Variants in TRAPPC10 observed in about 807,000 individuals in gnomAD.
TRAPPC10 encodes TRAPP 130 kDa subunit.
Under a neutral mutation model 125.5 loss-of-function variants are expected in TRAPPC10, and 23 were observed. The ratio of observed to expected loss-of-function variants is 0.18; its 90% CI spans 0.13 to 0.26. The LOEUF (loss-of-function observed/expected upper bound fraction) is 0.26, where lower values mean the gene tolerates loss of function less well. Among genes scored for constraint, TRAPPC10 ranks in the 10% least tolerant of loss-of-function variants. The pLI, the probability that TRAPPC10 is intolerant of heterozygous loss-of-function variation, is 1.00. For synonymous variants in TRAPPC10, 509 were observed against 518.0 expected (o/e 0.98, Z 0.24); for missense variants, 1,123 against 1,308.4 (o/e 0.86, Z 2.19).
intron 1 of TRAPPC10, among the ~76,000 whole-genome samples, chr21:44,024,975 C>T (rs922754347): frequency 1.3e-5 from 2 of 152,208 alleles, no homozygotes; most frequent in Non-Finnish European, 2.9e-5. Context: ...CCCCCGGACT[C>T]CACTCCACGC....
chr21:44,052,228 A>T, intron 3 of TRAPPC10, 52 bp from the exon 4 acceptor site: 2 of 1,457,072 alleles, frequency 1.4e-6, no homozygotes, highest in Non-Finnish European at 1.9e-6. Flanking sequence ...TTTGCTGTAT[A>T]AACTAAAGGG....
At position 44,069,002 on chromosome 21, in the gene TRAPPC10, TAAAC is replaced by T. The variant is rs1435052771; in HGVS notation, c.1038+5221_1038+5224del. ...AAAAACAAATCTTGATCTCACCCCA[TAAAC>T]AAAATTAATTCCAGGTGGAGTTTTG... On this transcript the variant is annotated intron_variant, in intron 7 of 22. Transcript: ENST00000291574. 2.6e-5 allele frequency among the ~76,000 whole-genome samples: 4 copies of T among 152,116 alleles called. No individual in the cohort carries two copies. In the East Asian group the frequency reaches 5.8e-4, roughly 22 times the overall value.
chr21:44,089,239 C>T (rs189300510), intron 17 of TRAPPC10: 20 of 324,402 alleles, frequency 6.2e-5, no homozygotes, highest in Non-Finnish European at 1.2e-4. Context: ...TGGCGGCACG[C>T]ACGCTGTGTG....
At position 44,035,627 on chromosome 21, in the gene TRAPPC10, A is replaced by G. The variant is rs1300125485; in HGVS notation, c.150-2165A>G. On this transcript the variant is annotated intron_variant, in intron 2 of 22. Transcript: ENST00000291574. The stretch of plus-strand genomic sequence containing the variant: ...ACCCTGTCTCTTCTAAAAATACAAA[A>G]TTAGCCAGGCATGGTGGCACACGCC... Among the ~76,000 whole-genome samples, 5 of 152,160 alleles carry G rather than the reference A, an allele frequency of 3.3e-5. No homozygotes were observed. The East Asian group carries it at 9.7e-4, about 29-fold the overall frequency.
chr21:44,024,456 A>G (rs2032864511), intron 1 of TRAPPC10, among the ~76,000 whole-genome samples: 2 of 152,232 alleles, frequency 1.3e-5, no homozygotes, highest in South Asian at 4.1e-4. Context: ...ACTTGCTTTC[A>G]GTTGCTTTAT....
Position 44,087,723 on chromosome 21 carries a change from G to A in TRAPPC10, c.2564G>A (p.Arg855Gln), listed in dbSNP as rs763577446. ...TREQSSEAAL[R>Q]IQSSDKVTSI... ...GAACAGTCTTCTGAGGCCGCGCTCC[G>A]GATTCAGTCCTCCGACAAGGTCACG... The change falls in exon 17 of 23, where the codon CGG (arginine) becomes CAG (glutamine). Residue 855 changes from arginine to glutamine, a missense_variant. Arg to Gln is a conservative substitution (Grantham distance 43). Transcript: ENST00000291574. The surrounding 1 kb of genome is among the most constrained non-coding windows in gnomAD (Gnocchi z 4.6). 1.8e-5 allele frequency: 29 copies of A among 1,613,860 alleles called. No homozygotes were observed. Among genetic ancestry groups the A allele is most frequent in the East Asian group, 1.8e-4 (8 of 44,898 alleles).
chr21:44,041,676 T>A (rs2034433909), intron 3 of TRAPPC10, among the ~76,000 whole-genome samples: 1 of 152,190 alleles, frequency 6.6e-6, no homozygotes, highest in Non-Finnish European at 1.5e-5. Context: ...CCAGCTTTTT[T>A]GACTTTTAAA....
chr21:44,013,817 T>G (rs1355901725), intron 1 of TRAPPC10, among the ~76,000 whole-genome samples: 1 of 152,250 alleles, frequency 6.6e-6, no homozygotes, highest in Non-Finnish European at 1.5e-5. Context: ...ACTTGCATAG[T>G]TCAGCAGTAG....
intron 1 of TRAPPC10, among the ~76,000 whole-genome samples, chr21:44,026,760 C>A (rs758877380): frequency 1.3e-5 from 2 of 152,230 alleles, no homozygotes; most frequent in African/African-American, 2.4e-5. Context: ...CTAGTCCAGT[C>A]ACTCCGCTGC....
chr21:44,036,813 G>A (rs2034018438), intron 2 of TRAPPC10, among the ~76,000 whole-genome samples: 1 of 152,188 alleles, frequency 6.6e-6, no homozygotes, highest in East Asian at 1.9e-4. Flanking sequence ...AGAACAGAGA[G>A]AAGGGGAGAT....
intron 1 of TRAPPC10, among the ~76,000 whole-genome samples, chr21:44,030,932 C>T (rs910930671): frequency 6.6e-6 from 1 of 152,160 alleles, no homozygotes; most frequent in Non-Finnish European, 1.5e-5. Flanking sequence ...CTCATTTAAT[C>T]CTCACCAGAG....
chr21:44,094,179 GCTGT>G lies in TRAPPC10; in HGVS notation c.3117_3120del (p.Ile1041ProfsTer2). ...GATTTTCCCCAGCTTCTGAGGAACA[GCTGT>G]CTATCTCCTTAAAGCCGTATACTTA... On this transcript the variant is annotated frameshift_variant, in exon 20 of 23. Transcript: ENST00000291574. LOFTEE classifies it high-confidence loss of function. 1 of 1,614,206 alleles carries G rather than the reference GCTGT, an allele frequency of 6.2e-7. No individual in the cohort carries two copies. The highest frequency in any genetic ancestry group is 8.5e-7 in the Non-Finnish European group (1 of 1,180,038).
chr21:44,073,931 A>G (rs2037077370), intron 7 of TRAPPC10, among the ~76,000 whole-genome samples: 1 of 150,208 alleles, frequency 6.7e-6, no homozygotes, highest in Non-Finnish European at 1.5e-5. Context: ...GCCAATCCTC[A>G]CTCTTGGAGT....
At chr21:44,058,238 G>A (rs2035756886) in intron 5 of TRAPPC10, among the ~76,000 whole-genome samples, 1 of 152,188 alleles carries the variant, frequency 6.6e-6, no homozygotes, top group African/African-American at 2.4e-5. Context: ...GAAGGAGTTT[G>A]GAGAGCAAGC....
intron 10 of TRAPPC10, among the ~76,000 whole-genome samples, chr21:44,077,176 T>A (rs1161984233): frequency 6.6e-6 from 1 of 152,210 alleles, no homozygotes; most frequent in African/African-American, 2.4e-5. Flanking sequence ...GATGAGTTTG[T>A]GGGTTTCTTT....
chr21:44,080,128 G>C lies in TRAPPC10; in HGVS notation c.1723+1G>C. The C allele has an allele frequency of 6.2e-7, 1 of 1,612,254 alleles. No individual in the cohort carries two copies. Among genetic ancestry groups the C allele is most frequent in the Non-Finnish European group, 8.5e-7 (1 of 1,178,504 alleles). Reference sequence around the variant, plus strand: ...GCCAGCCAGCCGTCAGACAGCCCAGGTAAGACCAGTTCTTACAACTTGACT... The same window carrying C: ...GCCAGCCAGCCGTCAGACAGCCCAGCTAAGACCAGTTCTTACAACTTGACT... On this transcript the variant is annotated splice_donor_variant, in intron 13 of 22. Transcript: ENST00000291574. LOFTEE classifies it high-confidence loss of function.
chr21:44,018,394 A>G (rs971464860), intron 1 of TRAPPC10, among the ~76,000 whole-genome samples: 1 of 151,722 alleles, frequency 6.6e-6, no homozygotes, highest in African/African-American at 2.4e-5. Flanking sequence ...ACAGAGCAAG[A>G]CCTGGTCTCA....
intron 7 of TRAPPC10, among the ~76,000 whole-genome samples, chr21:44,073,925 A>G (rs1341980984): frequency 2.0e-5 from 3 of 152,066 alleles, no homozygotes; most frequent in Non-Finnish European, 2.9e-5. Flanking sequence ...TCTGTGGCCA[A>G]TCCTCACTCT....
At chr21:44,024,017 C>A (rs1196989929) in intron 1 of TRAPPC10, among the ~76,000 whole-genome samples, 1 of 152,170 alleles carries the variant, frequency 6.6e-6, no homozygotes, top group African/African-American at 2.4e-5. Context: ...AATTCCCGAC[C>A]TCAGGTGATC....
Sources: gnomAD v4.1 joint callset for allele counts (sites outside exome capture counted in the v4.1 genomes callset) on GRCh38, gnomAD v4.1.1 for gene constraint, Gnocchi (gnomAD v3.1) non-coding constraint, MANE v1.5 for transcripts, NCBI Gene and HGNC (gene_info 2026-07-23, HGNC 2026-07-21) for gene names.